Variants in KDM4C observed in about 807,000 individuals in gnomAD.
KDM4C encodes the protein lysine-specific demethylase 4C.
KDM4C carries 81 observed loss-of-function variants against 129.3 expected under a neutral mutation model. The observed-to-expected ratio is 0.63, with a 90% CI of 0.52 to 0.75. KDM4C has a LOEUF of 0.75. KDM4C is among the 30% of genes least tolerant of loss of function. The pLI, the probability that KDM4C is intolerant of heterozygous loss-of-function variation, is 0.00. For synonymous variants in KDM4C, 573 were observed against 456.1 expected (o/e 1.26, Z -3.26); for missense variants, 1,457 against 1,304.0 (o/e 1.12, Z -1.81).
chr9:6,733,499 C>A (rs1425827199), intron 1 of KDM4C, among the ~76,000 whole-genome samples: 4 of 152,206 alleles, frequency 2.6e-5, no homozygotes, highest in African/African-American at 9.7e-5. Flanking sequence ...TGTCTCAGGG[C>A]CATCTTACTG....
chr9:6,938,918 G>C (rs373032770), intron 8 of KDM4C, among the ~76,000 whole-genome samples: 3 of 152,144 alleles, frequency 2.0e-5, no homozygotes, highest in Middle Eastern at 3.4e-3. Context: ...GGAATGCATA[G>C]ACCTGTTACT....
intron 1 of KDM4C, among the ~76,000 whole-genome samples, chr9:6,770,767 CTTTTT>C (rs753670348): frequency 1.2e-5 from 1 of 81,764 alleles, no homozygotes; most frequent in Non-Finnish European, 2.5e-5. Context: ...GATTTTGATC[CTTTTT>C]TTTTTTTTTT....
At chr9:6,742,992 C>G (rs1817751811) in intron 1 of KDM4C, among the ~76,000 whole-genome samples, 1 of 152,012 alleles carries the variant, frequency 6.6e-6, no homozygotes, top group Non-Finnish European at 1.5e-5. Context: ...GCCTGGGTGA[C>G]AGGGCGAGGC....
rs185293093 is a variant in KDM4C, at chr9:6,793,731, C to T, written c.144+599C>T. ...AATTTTTTTGTATTTTTAGTTGAGA[C>T]GGGGTTTCACCATGTTGGCCAGGCT... On this transcript the variant is annotated intron_variant, in intron 2 of 21. Transcript: ENST00000381309. Among the ~76,000 whole-genome samples the T allele has an allele frequency of 5.3e-5, 8 of 151,856 alleles. No homozygotes were observed. In the East Asian group the frequency reaches 7.7e-4, roughly 15 times the overall value.
At chr9:6,894,158 A>G (rs1003496734) in intron 8 of KDM4C, among the ~76,000 whole-genome samples, 6 of 152,260 alleles carry the variant, frequency 3.9e-5, no homozygotes, top group Non-Finnish European at 5.9e-5. Context: ...AAGTATATTT[A>G]GGGGAGACAA....
At position 7,097,994 on chromosome 9, in the gene KDM4C, G is replaced by C. The variant is rs139526585; in HGVS notation, c.2425-5691G>C. Among the ~76,000 whole-genome samples, 400 of 152,328 alleles carry C rather than the reference G, an allele frequency of 2.6e-3. 3 individuals are homozygous for C. Among genetic ancestry groups the C allele is most frequent in the Admixed American group, 7.4e-3 (113 of 15,306 alleles). ...CTTGGCTTAAAAGGTGCTTCCGCAA[G>C]GATTCTTACTTGATCTTCCTTGTAA... is the stretch of plus-strand genomic sequence containing the variant. On this transcript the variant is annotated intron_variant, in intron 17 of 21. Transcript: ENST00000381309.
chr9:7,062,382 C>G (rs1459587359), intron 17 of KDM4C, among the ~76,000 whole-genome samples: 2 of 151,398 alleles, frequency 1.3e-5, no homozygotes, highest in African/African-American at 2.4e-5. Flanking sequence ...GTTTTCTTTC[C>G]TTTCTTTTTA....
chr9:6,777,729 C>G lies in KDM4C; in HGVS notation c.-17-15243C>G, dbSNP rs537266826. ...TCACCGCAACCTCCACCTGCTTCCACCATGTTTGGCTAATCAAATGTAACA... is the reference window on the plus strand; with the variant it reads ...TCACCGCAACCTCCACCTGCTTCCAGCATGTTTGGCTAATCAAATGTAACA... On this transcript the variant is annotated intron_variant, in intron 1 of 21. Transcript: ENST00000381309. Among the ~76,000 whole-genome samples, 4 of 151,732 alleles carry G rather than the reference C, an allele frequency of 2.6e-5. No individual in the cohort carries two copies. The South Asian group carries it at 8.3e-4, about 32-fold the overall frequency.
At chr9:6,880,909 A>T (rs773624197) in intron 6 of KDM4C, among the ~76,000 whole-genome samples, 4 of 152,136 alleles carry the variant, frequency 2.6e-5, no homozygotes, top group Non-Finnish European at 5.9e-5. Flanking sequence ...CCCTTCCAGA[A>T]AGAAGATGTA....
At chr9:6,985,898 C>T (rs1228386618) in intron 10 of KDM4C, among the ~76,000 whole-genome samples, 1 of 152,186 alleles carries the variant, frequency 6.6e-6, no homozygotes, top group African/African-American at 2.4e-5. Context: ...GCCGTGTTGG[C>T]CAGGCTGATC....
intron 9 of KDM4C, among the ~76,000 whole-genome samples, chr9:6,983,881 T>G (rs981071779): frequency 6.6e-6 from 1 of 152,230 alleles, no homozygotes; most frequent in Non-Finnish European, 1.5e-5. Context: ...TTTCAGACTT[T>G]TAAAATGTTG....
intron 8 of KDM4C, among the ~76,000 whole-genome samples, chr9:6,948,898 A>G (rs1323367027): frequency 2.6e-5 from 4 of 152,148 alleles, no homozygotes; most frequent in Non-Finnish European, 5.9e-5. Flanking sequence ...ACACAGATGC[A>G]GCAACAATCT....
At position 6,836,874 on chromosome 9, in the gene KDM4C, TA is replaced by T. The variant is rs548992780; in HGVS notation, c.436-12628del. 7.9e-3 allele frequency among the ~76,000 whole-genome samples: 1,197 copies of T among 152,220 alleles called. 14 individuals carry two copies. Among genetic ancestry groups the T allele is most frequent in the African/African-American group, 0.027 (1,114 of 41,512 alleles). On this transcript the variant is annotated intron_variant, in intron 4 of 21. Coordinates refer to ENST00000381309, the MANE Select transcript of KDM4C (RefSeq NM_015061.6). ...AGTGAACATTTTCTTTCTTTTTTTTTAAAAATAAATATTGTTGCTGTGAACA... is the reference window on the plus strand; with the variant it reads ...AGTGAACATTTTCTTTCTTTTTTTTTAAAATAAATATTGTTGCTGTGAACA...
intron 8 of KDM4C, among the ~76,000 whole-genome samples, chr9:6,958,686 G>GGTT (rs1231726870): frequency 5.8e-5 from 4 of 68,424 alleles, no homozygotes; most frequent in Middle Eastern, 5.6e-3. Flanking sequence ...TTCTTTATAT[G>GGTT]ATTTTTTTTT....
intron 8 of KDM4C, among the ~76,000 whole-genome samples, chr9:6,942,924 G>A (rs1429497296): frequency 2.0e-5 from 3 of 152,142 alleles, no homozygotes; most frequent in Admixed American, 2.0e-4. Flanking sequence ...TGAGTGCAGT[G>A]GCATGATCAC....
rs576651192 is a variant in KDM4C at position 7,054,204 on chromosome 9, G to A, written c.2424+5004G>A. The stretch of plus-strand genomic sequence containing the variant: ...CTGAGGACGTTTCCTTCTCCCCGTA[G>A]CCCATCTAGGGGGTTGTGTGAAGTC... On this transcript the variant is annotated intron_variant, in intron 17 of 21. Coordinates refer to ENST00000381309, the MANE Select transcript of KDM4C (RefSeq NM_015061.6). Among the ~76,000 whole-genome samples, 3 of 152,330 alleles carry A rather than the reference G, an allele frequency of 2.0e-5. No individual in the cohort carries two copies. In the South Asian group the frequency reaches 6.2e-4, roughly 32 times the overall value.
chr9:6,757,920 A>G (rs1452073247), upstream of KDM4C: 2 of 985,240 alleles, frequency 2.0e-6, no homozygotes, highest in East Asian at 1.1e-4. Flanking sequence ...CACGTGACTC[A>G]CCAAGTGCGG....
intron 2 of KDM4C, among the ~76,000 whole-genome samples, chr9:6,801,257 T>C (rs1276684393): frequency 2.3e-5 from 3 of 132,714 alleles, no homozygotes; most frequent in African/African-American, 8.5e-5. Flanking sequence ...TTTTTTTTTT[T>C]TTTTTTTTTT....
rs1191655883 is a variant in KDM4C at position 6,835,628 on chromosome 9, G to A, written c.436-13879G>A. 4 of 816,966 alleles carry A rather than the reference G, an allele frequency of 4.9e-6. No individual in the cohort carries two copies. In the East Asian group the frequency reaches 9.7e-5, roughly 20 times the overall value. The allele number at this position is 816,966 out of a possible 1,614,324, so 50.6% of individuals were successfully genotyped here. On this transcript the variant is annotated intron_variant, in intron 4 of 21. Coordinates refer to ENST00000381309, the MANE Select transcript of KDM4C (RefSeq NM_015061.6). The stretch of plus-strand genomic sequence containing the variant: ...ACCCTTTCTTGACAAAACCTGACTT[G>A]TGCAGAAAACAAGATGAGATTGGCA...
Sources: gnomAD v4.1 joint callset for allele counts (sites outside exome capture counted in the v4.1 genomes callset) on GRCh38, gnomAD v4.1.1 for gene constraint, MANE v1.5 for transcripts, NCBI Gene and HGNC (gene_info 2026-07-23, HGNC 2026-07-21) for gene names.